CNTN5: variants seen among roughly 807,000 people sequenced by gnomAD.
The protein encoded by CNTN5 is contactin 5.
In CNTN5, 77 loss-of-function variants were observed where a neutral mutation model predicts 129.1. That is an observed-to-expected ratio of 0.60 (90% confidence interval 0.50 to 0.72). The LOEUF (loss-of-function observed/expected upper bound fraction) is 0.72. Ranked by LOEUF, CNTN5 falls within the 30% of genes least tolerant of loss-of-function variation. CNTN5 has a pLI of 0.00. For missense variants in CNTN5, 1,478 were observed against 1,328.8 expected (o/e 1.11, Z -1.75); for synonymous variants, 509 against 465.6 (o/e 1.09, Z -1.20).
chr11:99,439,749 C>T (rs1438585105), intron 2 of CNTN5, among the ~76,000 whole-genome samples: 2 of 147,912 alleles, frequency 1.4e-5, no homozygotes, highest in East Asian at 3.9e-4. Context: ...AGAAATATCA[C>T]AAATTTGTAT....
chr11:99,111,664 A>C (rs1857801623), intron 1 of CNTN5, among the ~76,000 whole-genome samples: 1 of 151,820 alleles, frequency 6.6e-6, no homozygotes. Context: ...AATTATATAT[A>C]TATTTAATAA....
chr11:99,131,243 A>C lies in CNTN5; in HGVS notation c.-210+109973A>C, dbSNP rs553839415. On this transcript the variant is annotated intron_variant, in intron 1 of 24. Coordinates refer to ENST00000524871, the MANE Select transcript of CNTN5 (RefSeq NM_014361.4). ...AGCCTGGGTGACAGAGTGAGACTCC[A>C]TCTCAGAAAAAAAAAAAAAAAGAAA... Among the ~76,000 whole-genome samples, 6 of 140,242 alleles carry C rather than the reference A, an allele frequency of 4.3e-5. No homozygotes were observed. The Admixed American group carries it at 4.5e-4, about 10-fold the overall frequency. The allele number at this position is 140,242 out of a possible 152,430, so 92.0% of individuals were successfully genotyped here. A position where few individuals can be genotyped will look rare whatever the true frequency, so the allele number is the denominator to read the frequency against.
chr11:99,782,091 C>A (rs1028403295), intron 3 of CNTN5, among the ~76,000 whole-genome samples: 9 of 150,958 alleles, frequency 6.0e-5, no homozygotes, highest in Admixed American at 2.6e-4. Context: ...TCGTCTCAGC[C>A]CAAAATCTCC....
intron 3 of CNTN5, among the ~76,000 whole-genome samples, chr11:99,565,700 C>A (rs1165161626): frequency 6.6e-6 from 1 of 152,162 alleles, no homozygotes; most frequent in Non-Finnish European, 1.5e-5. Flanking sequence ...CTCTGTCTTT[C>A]CAATGAAGAA....
chr11:99,101,736 G>A (rs1243194222), intron 1 of CNTN5, among the ~76,000 whole-genome samples: 1 of 152,192 alleles, frequency 6.6e-6, no homozygotes, highest in East Asian at 1.9e-4. Context: ...TTGCAGGATA[G>A]AGCCTGCCTC....
At chr11:99,462,355 C>CTTTT (rs1944736334) in intron 2 of CNTN5, among the ~76,000 whole-genome samples, 2 of 88,316 alleles carry the variant, frequency 2.3e-5, no homozygotes, top group Admixed American at 1.5e-4. Flanking sequence ...TTTTTCTTTT[C>CTTTT]TTTTCTTTTT....
chr11:100,115,704 A>G (rs1945820291), intron 13 of CNTN5, among the ~76,000 whole-genome samples: 1 of 152,052 alleles, frequency 6.6e-6, no homozygotes, highest in Non-Finnish European at 1.5e-5. Flanking sequence ...TAATTATAAT[A>G]TAATTTTTAA....
At chr11:100,349,134 TA>T (rs1331990125) in intron 23 of CNTN5, among the ~76,000 whole-genome samples, 1 of 151,830 alleles carries the variant, frequency 6.6e-6, no homozygotes, top group Non-Finnish European at 1.5e-5. Flanking sequence ...GAAGTAGATT[TA>T]AAATTAAATG....
intron 13 of CNTN5, among the ~76,000 whole-genome samples, chr11:100,096,374 G>A (rs1487309214): frequency 6.6e-6 from 1 of 152,074 alleles, no homozygotes; most frequent in East Asian, 1.9e-4. Flanking sequence ...CATGGCTCAT[G>A]TTAAAGGCCC....
chr11:100,190,729 G>GCT (rs777884770), intron 13 of CNTN5, among the ~76,000 whole-genome samples: 1 of 103,040 alleles, frequency 9.7e-6, no homozygotes, highest in African/African-American at 3.6e-5. Context: ...TTTTTATGCT[G>GCT]TTTTTTTTTT....
intron 1 of CNTN5, among the ~76,000 whole-genome samples, chr11:99,031,403 G>C (rs1260007078): frequency 6.6e-6 from 1 of 151,962 alleles, no homozygotes; most frequent in East Asian, 1.9e-4. Flanking sequence ...TTATTCTACT[G>C]TTGCAGAAGA....
rs12577549 is a variant in CNTN5, at chr11:99,488,985, G to A, written c.-70-67160G>A. Among the ~76,000 whole-genome samples the A allele has an allele frequency of 4.7e-3, 708 of 152,000 alleles. 19 individuals carry two copies. In the East Asian group the frequency reaches 0.09, roughly 19 times the overall value. Reference sequence around the variant, plus strand: ...TAAATAGAATGCTATGTGCTATCGCGTCTATCAAACAAGAGCAGAAGATCT... The same window carrying A: ...TAAATAGAATGCTATGTGCTATCGCATCTATCAAACAAGAGCAGAAGATCT... On this transcript the variant is annotated intron_variant, in intron 2 of 24. Coordinates refer to ENST00000524871, the MANE Select transcript of CNTN5 (RefSeq NM_014361.4).
intron 1 of CNTN5, among the ~76,000 whole-genome samples, chr11:99,142,194 C>T (rs1188705264): frequency 6.6e-6 from 1 of 152,034 alleles, no homozygotes. Context: ...ACTAGGGGGG[C>T]CTAGGTGTTC....
At chr11:99,944,357 G>T (rs11221991) in intron 7 of CNTN5, among the ~76,000 whole-genome samples, 7,959 of 151,898 alleles carry the variant, frequency 0.052, 249 homozygotes, top group Non-Finnish European at 0.074. Context: ...AGTTAAGAAC[G>T]TATCTCAAAA....
chr11:99,386,721 G>T (rs889789937), intron 2 of CNTN5, among the ~76,000 whole-genome samples: 8 of 152,124 alleles, frequency 5.3e-5, no homozygotes, highest in African/African-American at 1.2e-4. Context: ...ATTCAAGATG[G>T]AGTTGCTCTG....
intron 18 of CNTN5, among the ~76,000 whole-genome samples, chr11:100,277,942 G>C (rs1391643304): frequency 6.6e-6 from 1 of 152,102 alleles, no homozygotes; most frequent in East Asian, 1.9e-4. Context: ...TTCATATTTT[G>C]AGGTCTTAGA....
chr11:99,077,625 C>T (rs1865630258), intron 1 of CNTN5, among the ~76,000 whole-genome samples: 1 of 152,152 alleles, frequency 6.6e-6, no homozygotes, highest in Non-Finnish European at 1.5e-5. Flanking sequence ...TTTGTGTCCC[C>T]ATCCGAATCT....
At chr11:99,787,211 C>G (rs954390618) in intron 3 of CNTN5, among the ~76,000 whole-genome samples, 1 of 150,720 alleles carries the variant, frequency 6.6e-6, no homozygotes, top group Non-Finnish European at 1.5e-5. Context: ...GGAAGAAATA[C>G]AGAAGAAAAA....
At chr11:99,543,384 T>C (rs2135501508) in intron 2 of CNTN5, among the ~76,000 whole-genome samples, 1 of 152,282 alleles carries the variant, frequency 6.6e-6, no homozygotes, top group South Asian at 2.1e-4. Context: ...TTCTGGAAAA[T>C]ATTAAGGTAT....
Sources: allele counts gnomAD v4.1 joint callset (sites outside exome capture counted in the v4.1 genomes callset), GRCh38; gene constraint gnomAD v4.1.1; transcripts MANE v1.5; gene names NCBI Gene and HGNC (gene_info 2026-07-23, HGNC 2026-07-21).